Variants in SLC7A14 observed in about 807,000 individuals in gnomAD.
The protein encoded by SLC7A14 is gamma-aminobutyric acid transporter SLC7A14.
SLC7A14 carries 37 observed loss-of-function variants against 60.2 expected under a neutral mutation model. The observed-to-expected ratio is 0.61, with a 90% confidence interval of 0.47 to 0.81. The LOEUF (loss-of-function observed/expected upper bound fraction) is 0.81, where lower values mean the gene tolerates loss of function less well. SLC7A14 is among the 30% of genes least tolerant of loss of function. The pLI is 0.00. For synonymous variants in SLC7A14, 399 were observed against 395.8 expected, an observed-to-expected ratio of 1.01 and a Z score of -0.10; for missense variants, 886 against 982.7, an observed-to-expected ratio of 0.90 and a Z score of 1.32.
chr3:170,570,441 C>T (rs1053848793), intron 1 of SLC7A14: 3 of 110,940 alleles, frequency 2.7e-5, no homozygotes, highest in African/African-American at 1.4e-4. Flanking sequence ...AGAGTGAGAC[C>T]CTGTCTCAAA....
chr3:170,513,984 C>T (rs1560265534), intron 2 of SLC7A14, among the ~76,000 whole-genome samples: 1 of 152,218 alleles, frequency 6.6e-6, no homozygotes, highest in Non-Finnish European at 1.5e-5. Context: ...TTTCTTTCTT[C>T]ATCATCGCTT....
At chr3:170,561,493 T>C (rs1462124973) in intron 1 of SLC7A14, among the ~76,000 whole-genome samples, 2 of 152,240 alleles carry the variant, frequency 1.3e-5, no homozygotes, top group African/African-American at 4.8e-5. Context: ...TGTGTGTCTT[T>C]AGACATATCA....
chr3:170,461,922 G>A lies in SLC7A14; in HGVS notation c.*5133C>T, dbSNP rs2108259572. On this transcript the variant is annotated 3_prime_UTR_variant, in exon 8 of 8. Transcript: ENST00000231706. ...GCACACAGCCCTCGTGGCGACTTCT[G>A]GATGTGTTTCCTTTGCTCTCCTCTC... The A allele has an allele frequency of 6.5e-6, 1 of 152,696 alleles. No homozygotes were observed. Among genetic ancestry groups the A allele is most frequent in the Non-Finnish European group, 1.5e-5 (1 of 68,080 alleles). The allele number at this position is 152,696 out of a possible 1,614,324, so 9.5% of individuals were successfully genotyped here. A position where few individuals can be genotyped will look rare whatever the true frequency, so the allele number is the denominator to read the frequency against.
intron 1 of SLC7A14, among the ~76,000 whole-genome samples, chr3:170,563,805 C>A (rs999594971): frequency 1.3e-5 from 2 of 152,128 alleles, no homozygotes; most frequent in Non-Finnish European, 2.9e-5. Context: ...AATACATGCA[C>A]CCTCTTTGGT....
At position 170,526,577 on chromosome 3, in the gene SLC7A14, G is replaced by A. The variant is rs915630131; in HGVS notation, c.304+56C>T. 4.4e-6 allele frequency: 7 copies of A among 1,574,482 alleles called. No individual in the cohort carries two copies. The Admixed American group carries it at 1.2e-4, about 27-fold the overall frequency. On this transcript the variant is annotated intron_variant, in intron 2 of 7. Coordinates refer to ENST00000231706, the MANE Select transcript of SLC7A14 (RefSeq NM_020949.3). ...ATACTCCGGAGAAAGGGGATGAACA[G>A]TGACCAGGCTGGTAAGCACACTTTC...
intron 7 of SLC7A14, among the ~76,000 whole-genome samples, chr3:170,469,527 T>C (rs1446585086): frequency 6.6e-6 from 1 of 152,134 alleles, no homozygotes; most frequent in East Asian, 1.9e-4. Flanking sequence ...GGATGGTTAT[T>C]ATCCTTGTGT....
chr3:170,568,726 G>A (rs1028637212), intron 1 of SLC7A14, among the ~76,000 whole-genome samples: 15 of 152,004 alleles, frequency 9.9e-5, no homozygotes, highest in Non-Finnish European at 1.8e-4. Flanking sequence ...GTTCCTTCAC[G>A]TCCCTTGTAA....
chr3:170,504,956 C>G (rs1712727296), intron 2 of SLC7A14, among the ~76,000 whole-genome samples: 1 of 152,196 alleles, frequency 6.6e-6, no homozygotes, highest in African/African-American at 2.4e-5. Context: ...GTTTATCATT[C>G]TGCAATGTGA....
chr3:170,467,485 G>GGGT, intron 7 of SLC7A14, 108 bp from the exon 8 acceptor site: 1 of 614,442 alleles, frequency 1.6e-6, no homozygotes. Flanking sequence ...GGGGTGGGGG[G>GGGT]CGGTGGGGGC....
At chr3:170,572,386 G>A (rs552982641) in intron 1 of SLC7A14, among the ~76,000 whole-genome samples, 12 of 152,318 alleles carry the variant, frequency 7.9e-5, no homozygotes, top group African/African-American at 2.9e-4. Context: ...TCTGTAAAAT[G>A]AGGATATTAA....
At chr3:170,552,192 T>C (rs1300110402) in intron 1 of SLC7A14, among the ~76,000 whole-genome samples, 1 of 152,144 alleles carries the variant, frequency 6.6e-6, no homozygotes, top group African/African-American at 2.4e-5. Context: ...CTGAATTGTG[T>C]TGGTGTCAAG....
chr3:170,564,530 A>G (rs1282577143), intron 1 of SLC7A14, among the ~76,000 whole-genome samples: 2 of 152,210 alleles, frequency 1.3e-5, no homozygotes, highest in Non-Finnish European at 2.9e-5. Flanking sequence ...TTTTGGTTTT[A>G]TTTCATGAAG....
intron 2 of SLC7A14, among the ~76,000 whole-genome samples, chr3:170,523,206 G>C (rs1713389491): frequency 6.6e-6 from 1 of 152,234 alleles, no homozygotes; most frequent in South Asian, 2.1e-4. Flanking sequence ...GATGTTCAGA[G>C]AAATTATGGA....
At chr3:170,514,913 T>C (rs1412970411) in intron 2 of SLC7A14, among the ~76,000 whole-genome samples, 1 of 152,224 alleles carries the variant, frequency 6.6e-6, no homozygotes, top group East Asian at 1.9e-4. Flanking sequence ...ACAAGATGGT[T>C]ATGATGCAGA....
chr3:170,572,687 T>G lies in SLC7A14; in HGVS notation c.-153+13224A>C, dbSNP rs1202147195. Reference sequence around the variant, plus strand: ...AGAGTATTGAAACAGGGAATTCTTGTTTTTGTTTTGATAGTTAAATTCTCT... The same window carrying G: ...AGAGTATTGAAACAGGGAATTCTTGGTTTTGTTTTGATAGTTAAATTCTCT... On this transcript the variant is annotated intron_variant, in intron 1 of 7. Transcript: ENST00000231706. 2.6e-5 allele frequency among the ~76,000 whole-genome samples: 4 copies of G among 152,200 alleles called. No homozygotes were observed. The South Asian group carries it at 6.2e-4, about 24-fold the overall frequency.
chr3:170,581,727 G>C (rs1422368186), intron 1 of SLC7A14, among the ~76,000 whole-genome samples: 1 of 152,050 alleles, frequency 6.6e-6, no homozygotes, highest in African/African-American at 2.4e-5. Flanking sequence ...TCCTTACAAA[G>C]TACTTTCGTA....
At chr3:170,522,004 T>A (rs1300793814) in intron 2 of SLC7A14, among the ~76,000 whole-genome samples, 2 of 151,860 alleles carry the variant, frequency 1.3e-5, no homozygotes, top group Non-Finnish European at 2.9e-5. Context: ...ACAAATAAAC[T>A]CATAGAAAGA....
At chr3:170,478,359 T>C (rs566734239) in intron 7 of SLC7A14, among the ~76,000 whole-genome samples, 1 of 152,328 alleles carries the variant, frequency 6.6e-6, no homozygotes, top group East Asian at 1.9e-4. Context: ...ATTATAGACG[T>C]GAGCCACTAT....
At chr3:170,564,659 T>A (rs560648838) in intron 1 of SLC7A14, among the ~76,000 whole-genome samples, 1 of 152,376 alleles carries the variant, frequency 6.6e-6, no homozygotes, top group Admixed American at 6.5e-5. Flanking sequence ...CAAGTGTATA[T>A]TCTTTCTAAG....
Sources: allele counts gnomAD v4.1 joint callset (sites outside exome capture counted in the v4.1 genomes callset), GRCh38; gene constraint gnomAD v4.1.1; transcripts MANE v1.5; gene names NCBI Gene and HGNC (gene_info 2026-07-23, HGNC 2026-07-21).